The following MCTP2 variants were observed in gnomAD, a reference collection of about 807,000 sequenced individuals.
MCTP2 encodes multiple C2 and transmembrane domain containing 2.
A neutral mutation model predicts 111.6 loss-of-function variants in MCTP2; 132 were observed. The observed-to-expected ratio is 1.18, with a 90% confidence interval of 1.03 to 1.37. MCTP2 has a LOEUF of 1.37. Among genes scored for constraint, MCTP2 ranks in the 40% most tolerant of loss-of-function variants. The probability of loss-of-function intolerance (pLI) is 0.00; values close to 1 mark genes in which losing one functional copy is unlikely to be tolerated. For synonymous variants in MCTP2, 395 were observed against 387.7 expected (o/e 1.02, Z -0.22); for missense variants, 1,183 against 1,067.9 (o/e 1.11, Z -1.50).
chr15:94,367,815 A>G, intron 11 of MCTP2, 24 bp downstream of exon 11: 1 of 1,563,934 alleles, frequency 6.4e-7, no homozygotes. Context: ...CTTATTGTAC[A>G]CTCCCCCTCC....
intron 8 of MCTP2, among the ~76,000 whole-genome samples, chr15:94,353,718 G>T (rs2078444021): frequency 6.6e-6 from 1 of 152,102 alleles, no homozygotes; most frequent in Admixed American, 6.5e-5. Flanking sequence ...TTGTTGGTTG[G>T]CAAGTCAAAC....
chr15:94,362,859 A>T (rs2079007790), intron 10 of MCTP2, among the ~76,000 whole-genome samples: 1 of 152,236 alleles, frequency 6.6e-6, no homozygotes, highest in Non-Finnish European at 1.5e-5. Context: ...TAATGGAGAA[A>T]GACAAGAATG....
chr15:94,364,130 C>G (rs1429508058), intron 10 of MCTP2, among the ~76,000 whole-genome samples: 1 of 151,260 alleles, frequency 6.6e-6, no homozygotes, highest in East Asian at 1.9e-4. Flanking sequence ...GTTCAGGGGT[C>G]AGCAAACCAG....
At chr15:94,329,519 A>G (rs1337722758) in intron 4 of MCTP2, among the ~76,000 whole-genome samples, 1 of 152,174 alleles carries the variant, frequency 6.6e-6, no homozygotes, top group African/African-American at 2.4e-5. Flanking sequence ...TCAGAGCAGG[A>G]GCAAGAGAGA....
At chr15:94,415,976 G>C (rs745856257) in intron 17 of MCTP2, among the ~76,000 whole-genome samples, 36 of 152,126 alleles carry the variant, frequency 2.4e-4, no homozygotes, top group Non-Finnish European at 4.6e-4. Context: ...TCGGGGAGCT[G>C]TCTGTTTGTG....
chr15:94,418,735 G>A (rs1171388994), intron 17 of MCTP2, among the ~76,000 whole-genome samples: 1 of 152,106 alleles, frequency 6.6e-6, no homozygotes, highest in Admixed American at 6.6e-5. Flanking sequence ...AGTGTGGCCA[G>A]TAGCATGATG....
At chr15:94,315,823 C>A (rs1260003890) in intron 4 of MCTP2, among the ~76,000 whole-genome samples, 186 bp downstream of exon 4, 2 of 152,158 alleles carry the variant, frequency 1.3e-5, no homozygotes, top group African/African-American at 4.8e-5. Context: ...CCTTACTATC[C>A]TTCTTTATTA....
chr15:94,365,623 C>G (rs190486436), intron 10 of MCTP2, among the ~76,000 whole-genome samples: 2 of 152,182 alleles, frequency 1.3e-5, no homozygotes, highest in East Asian at 3.9e-4. Flanking sequence ...CTAGAGTACT[C>G]TAGAATTAAT....
intron 14 of MCTP2, among the ~76,000 whole-genome samples, chr15:94,394,492 G>A (rs575226736): frequency 2.6e-5 from 4 of 152,150 alleles, no homozygotes; most frequent in African/African-American, 9.7e-5. Context: ...GTGACTGGGT[G>A]CAGTGGCTCA....
At chr15:94,452,902 T>C (rs1179939842) in intron 19 of MCTP2, among the ~76,000 whole-genome samples, 1 of 152,212 alleles carries the variant, frequency 6.6e-6, no homozygotes, top group Non-Finnish European at 1.5e-5. Context: ...CTGTCTCACA[T>C]GAGTAGCAAA....
chr15:94,329,921 T>G (rs974288781), intron 4 of MCTP2, among the ~76,000 whole-genome samples: 1 of 152,196 alleles, frequency 6.6e-6, no homozygotes, highest in African/African-American at 2.4e-5. Context: ...TCATCTTACA[T>G]AACTGCACCT....
At chr15:94,358,422 G>A in intron 9 of MCTP2, 60 bp from the exon 10 acceptor site, 1 of 1,472,090 alleles carries the variant, frequency 6.8e-7, no homozygotes, top group Non-Finnish European at 9.3e-7. Context: ...TTAATGTGTA[G>A]CTTCTGTAGC....
At chr15:94,250,649 G>A (rs1388937399) in intron 1 of MCTP2, among the ~76,000 whole-genome samples, 1 of 152,122 alleles carries the variant, frequency 6.6e-6, no homozygotes. Context: ...CTTTATCTCT[G>A]TTATATGAAA....
At chr15:94,469,957 A>G (rs1450208955) in intron 20 of MCTP2, among the ~76,000 whole-genome samples, 2 of 152,146 alleles carry the variant, frequency 1.3e-5, no homozygotes, top group Non-Finnish European at 2.9e-5. Context: ...GTGTTTATTG[A>G]GAGACAATTG....
intron 19 of MCTP2, among the ~76,000 whole-genome samples, chr15:94,449,371 G>A (rs578179935): frequency 5.9e-5 from 9 of 152,258 alleles, no homozygotes; most frequent in African/African-American, 9.6e-5. Context: ...GAGAACTTCC[G>A]TAACATATAT....
intron 20 of MCTP2, among the ~76,000 whole-genome samples, chr15:94,462,689 C>T (rs758712532): frequency 1.3e-5 from 2 of 152,088 alleles, no homozygotes; most frequent in Non-Finnish European, 2.9e-5. Flanking sequence ...AAGACGGGAT[C>T]GTAACCAATT....
chr15:94,471,143 G>C (rs2073892588), intron 21 of MCTP2, among the ~76,000 whole-genome samples: 1 of 152,160 alleles, frequency 6.6e-6, no homozygotes, highest in Non-Finnish European at 1.5e-5. Flanking sequence ...TTCCTGGGTG[G>C]GCTCTGAGTT....
chr15:94,261,612 C>T (rs192077652), intron 1 of MCTP2, among the ~76,000 whole-genome samples: 1 of 152,210 alleles, frequency 6.6e-6, no homozygotes, highest in African/African-American at 2.4e-5. Flanking sequence ...TAGTTTCCCT[C>T]ACACCATGAG....
At position 94,247,068 on chromosome 15, in the gene MCTP2, G is replaced by A. The variant is rs145398821; in HGVS notation, c.-66+15404G>A. On this transcript the variant is annotated intron_variant, in intron 1 of 22. Coordinates refer to ENST00000357742, the MANE Select transcript of MCTP2 (RefSeq NM_001385001.1). ...TCATTAAATCATGCTTCACATGAGTGTAGGAAGAGTTTATTAATTTATATT... is the reference window on the plus strand; with the variant it reads ...TCATTAAATCATGCTTCACATGAGTATAGGAAGAGTTTATTAATTTATATT... 6.9e-3 allele frequency among the ~76,000 whole-genome samples: 1,046 copies of A among 152,318 alleles called. 7 individuals carry two copies. The highest frequency in any genetic ancestry group is 0.024 in the African/African-American group (982 of 41,568).
Sources: allele counts gnomAD v4.1 joint callset (sites outside exome capture counted in the v4.1 genomes callset), GRCh38; gene constraint gnomAD v4.1.1; transcripts MANE v1.5; gene names NCBI Gene and HGNC (gene_info 2026-07-23, HGNC 2026-07-21).